The following TMEM47 variants were observed in gnomAD, a reference collection of about 807,000 sequenced individuals.
TMEM47 encodes transmembrane protein 47.
TMEM47 carries 3 observed loss-of-function variants against 12.4 expected under a neutral mutation model. The observed-to-expected ratio is 0.24, with a 90% CI of 0.11 to 0.63. The LOEUF (loss-of-function observed/expected upper bound fraction) is 0.63. Ranked by LOEUF, TMEM47 falls within the 20% of genes least tolerant of loss-of-function variation. The pLI, the probability that TMEM47 is intolerant of heterozygous loss-of-function variation, is 0.86. For missense variants in TMEM47, 89 were observed against 143.8 expected (o/e 0.62, Z 1.95); for synonymous variants, 62 against 63.3 (o/e 0.98, Z 0.10).
rs1469727207 is a variant in TMEM47, at chrX:34,630,310, G to T, written c.*3C>A. ...GGTTGTTTTTACTTTGAGACTATTG[G>T]TTCTAGTAGTAGTCTTCATAGTTCT... is the stretch of plus-strand genomic sequence containing the variant. On this transcript the variant is annotated 3_prime_UTR_variant, in exon 3 of 3. Transcript: ENST00000275954. 1.7e-6 allele frequency: 2 copies of T among 1,193,793 alleles called. No individual in the cohort carries two copies. Among genetic ancestry groups the T allele is most frequent in the Non-Finnish European group, 2.3e-6 (2 of 885,937 alleles).
At chrX:34,632,526 T>C (rs904706353) in intron 2 of TMEM47, among the ~76,000 whole-genome samples, 1 of 111,664 alleles carries the variant, frequency 9.0e-6, no homozygotes, top group African/African-American at 3.3e-5. Context: ...AATTTCTTTC[T>C]ATAAGGCTCT....
intron 1 of TMEM47, among the ~76,000 whole-genome samples, chrX:34,648,831 A>T (rs984948732): frequency 1.8e-5 from 2 of 112,264 alleles, no homozygotes; most frequent in African/African-American, 6.5e-5. Flanking sequence ...TCCATAAAGA[A>T]CTTAAATGAA....
intron 1 of TMEM47, among the ~76,000 whole-genome samples, chrX:34,653,448 T>C (rs979089477): frequency 8.9e-6 from 1 of 112,345 alleles, no homozygotes; most frequent in South Asian, 3.7e-4. Context: ...ATGTCCTTGC[T>C]TTCTCCTTAG....
At chrX:34,632,344 GT>G (rs1921641532) in intron 2 of TMEM47, among the ~76,000 whole-genome samples, 1 of 111,587 alleles carries the variant, frequency 9.0e-6, no homozygotes, top group Admixed American at 9.5e-5. Flanking sequence ...TGGATAGAGT[GT>G]TTAATTAAAA....
chrX:34,641,447 T>C (rs1158603405), intron 1 of TMEM47, among the ~76,000 whole-genome samples: 2 of 111,921 alleles, frequency 1.8e-5, no homozygotes, highest in African/African-American at 6.5e-5. Flanking sequence ...TTTAAAGCAT[T>C]GGATTCATTT....
intron 2 of TMEM47, among the ~76,000 whole-genome samples, chrX:34,633,502 GAT>G (rs1921661386): frequency 2.7e-5 from 3 of 111,642 alleles, no homozygotes; most frequent in Middle Eastern, 4.6e-3. Context: ...CATGAGATAT[GAT>G]GGAAGAAACA....
At position 34,647,957 on chromosome X, in the gene TMEM47, A is replaced by C. The variant is rs181200486; in HGVS notation, c.227-8570T>G. Among the ~76,000 whole-genome samples, 6 of 111,488 alleles carry C rather than the reference A, an allele frequency of 5.4e-5. No individual in the cohort carries two copies. In the East Asian group the frequency reaches 1.7e-3, roughly 31 times the overall value. ...GCAATCCCATTTGCAATTGCCACAC[A>C]AAAAAAATAAAATATCTAGGAATGC... On this transcript the variant is annotated intron_variant, in intron 1 of 2. Transcript: ENST00000275954.
intron 1 of TMEM47, among the ~76,000 whole-genome samples, chrX:34,655,775 T>TGAGAGAGA (rs776554058): frequency 1.2e-5 from 1 of 85,593 alleles, no homozygotes; most frequent in East Asian, 5.7e-4. Flanking sequence ...TATGTGTGTG[T>TGAGAGAGA]GAGAGAGAGA....
intron 1 of TMEM47, among the ~76,000 whole-genome samples, chrX:34,654,629 T>C (rs1447593431): frequency 8.9e-6 from 1 of 111,768 alleles, no homozygotes; most frequent in Non-Finnish European, 1.9e-5. Flanking sequence ...CAATTTTCCA[T>C]ATCTTGTTTC....
At chrX:34,649,341 A>G (rs951979034) in intron 1 of TMEM47, among the ~76,000 whole-genome samples, 2 of 111,909 alleles carry the variant, frequency 1.8e-5, no homozygotes, top group African/African-American at 6.5e-5. Context: ...AGTGTAGCGC[A>G]TATACACCAT....
At chrX:34,643,535 A>G (rs1443940945) in intron 1 of TMEM47, among the ~76,000 whole-genome samples, 1 of 112,186 alleles carries the variant, frequency 8.9e-6, no homozygotes, top group African/African-American at 3.2e-5. Flanking sequence ...AAGTTTTCAC[A>G]ATCAGTTAAT....
intron 2 of TMEM47, among the ~76,000 whole-genome samples, chrX:34,632,265 T>A (rs185844301): frequency 8.9e-6 from 1 of 112,140 alleles, no homozygotes; most frequent in Non-Finnish European, 1.9e-5. Flanking sequence ...GGGAACAAAC[T>A]GACATAGTAA....
chrX:34,656,788 C>T lies in TMEM47; in HGVS notation c.226+16G>A, dbSNP rs1922117664. 6.0e-6 allele frequency: 7 copies of T among 1,160,718 alleles called. No individual in the cohort carries two copies. The highest frequency in any genetic ancestry group is 3.3e-5 in the East Asian group (1 of 30,644). ...CCGGGGCGGGAGGCAGGGGTCGCGG[C>T]GCGCCAGGCCCTCACCGCTGCTGAG... On this transcript the variant is annotated intron_variant, in intron 1 of 2. Transcript: ENST00000275954.
intron 2 of TMEM47, among the ~76,000 whole-genome samples, chrX:34,638,750 T>A (rs1921763683): frequency 8.9e-6 from 1 of 112,349 alleles, no homozygotes; most frequent in African/African-American, 3.2e-5. Context: ...CAATGATGGT[T>A]GATAAATTAA....
chrX:34,654,989 A>G (rs951986246), intron 1 of TMEM47, among the ~76,000 whole-genome samples: 2 of 111,762 alleles, frequency 1.8e-5, no homozygotes, highest in Middle Eastern at 4.6e-3. Flanking sequence ...TTGCGTCTCC[A>G]TATTTCCTTG....
intron 1 of TMEM47, among the ~76,000 whole-genome samples, chrX:34,646,963 C>A (rs937956802): frequency 9.0e-6 from 1 of 111,416 alleles, no homozygotes; most frequent in Non-Finnish European, 1.9e-5. Flanking sequence ...ATTTGTTTCA[C>A]CCATCATTTT....
chrX:34,629,439 G>T lies in TMEM47; in HGVS notation c.*874C>A, dbSNP rs961368353. The T allele has an allele frequency of 9.0e-6, 1 of 111,634 alleles. No homozygotes were observed. The highest frequency in any genetic ancestry group is 3.3e-5 in the African/African-American group (1 of 30,700). The allele number at this position is 111,634 out of a possible 1,213,427, so 9.2% of individuals were successfully genotyped here. ...TAAATATTAATTTTACGTGTGATAGGCAAATGTATGTGGAGGGTTAGGGAA... is the reference window on the plus strand; with the variant it reads ...TAAATATTAATTTTACGTGTGATAGTCAAATGTATGTGGAGGGTTAGGGAA... On this transcript the variant is annotated 3_prime_UTR_variant, in exon 3 of 3. Coordinates refer to ENST00000275954, the MANE Select transcript of TMEM47 (RefSeq NM_031442.4).
At chrX:34,638,304 C>G (rs1199720481) in intron 2 of TMEM47, among the ~76,000 whole-genome samples, 1 of 111,224 alleles carries the variant, frequency 9.0e-6, no homozygotes, top group Non-Finnish European at 1.9e-5. Flanking sequence ...TTTATGACAC[C>G]CCCAATTCTG....
chrX:34,657,113 G>C lies in TMEM47; in HGVS notation c.-84C>G. The C allele has an allele frequency of 9.5e-7, 1 of 1,057,353 alleles. No individual in the cohort carries two copies. The highest frequency in any genetic ancestry group is 1.2e-6 in the Non-Finnish European group (1 of 825,375). 87.1% of individuals were successfully genotyped at this position (1,057,353 alleles called of 1,213,427 possible). A position where few individuals can be genotyped will look rare whatever the true frequency, so the allele number is the denominator to read the frequency against. On this transcript the variant is annotated 5_prime_UTR_variant, in exon 1 of 3. Transcript: ENST00000275954. ...AGCCGGGAGCCGGACCTCCCGAAGGGAGAAGCCGCCGAGCTGCCACGCGCG... is the reference window on the plus strand; with the variant it reads ...AGCCGGGAGCCGGACCTCCCGAAGGCAGAAGCCGCCGAGCTGCCACGCGCG...
Sources: allele counts gnomAD v4.1 joint callset (sites outside exome capture counted in the v4.1 genomes callset), GRCh38; gene constraint gnomAD v4.1.1; transcripts MANE v1.5; gene names NCBI Gene and HGNC (gene_info 2026-07-23, HGNC 2026-07-21).